The following RASGRF2 variants were observed in gnomAD, a reference collection of about 807,000 sequenced individuals.
RASGRF2 encodes the protein Ras protein specific guanine nucleotide releasing factor 2.
Under a neutral mutation model 151.0 loss-of-function variants are expected in RASGRF2, and 76 were observed. The observed-to-expected ratio is 0.50, with a 90% CI of 0.42 to 0.61. RASGRF2 has a LOEUF of 0.61. Ranked by LOEUF, RASGRF2 falls within the 20% of genes least tolerant of loss-of-function variation. RASGRF2 has a pLI of 0.00. For synonymous variants in RASGRF2, 504 were observed against 566.5 expected, an observed-to-expected ratio of 0.89 and a Z score of 1.57; for missense variants, 1,148 against 1,564.6, an observed-to-expected ratio of 0.73 and a Z score of 4.49.
At chr5:81,081,223 GC>G (rs1328655214) in intron 7 of RASGRF2, among the ~76,000 whole-genome samples, 4 of 152,120 alleles carry the variant, frequency 2.6e-5, no homozygotes, top group Admixed American at 6.5e-5. Flanking sequence ...CTGTTTTCCA[GC>G]CCATCCTCCC....
intron 1 of RASGRF2, among the ~76,000 whole-genome samples, chr5:81,037,319 G>A (rs439994): frequency 0.17 from 26,520 of 152,080 alleles, 2,470 homozygotes; most frequent in Admixed American, 0.26. Context: ...TACTTGATTG[G>A]TAGTTTAGTT....
At chr5:81,056,314 T>C (rs998232516) in intron 2 of RASGRF2, among the ~76,000 whole-genome samples, 13 of 152,186 alleles carry the variant, frequency 8.5e-5, no homozygotes, top group African/African-American at 2.9e-4. Context: ...TCCGAGAGAT[T>C]CTTGTATGTT....
At position 81,129,295 on chromosome 5, in the gene RASGRF2, A is replaced by T. The variant is rs1481737283; in HGVS notation, c.2686+2132A>T. 2.0e-5 allele frequency among the ~76,000 whole-genome samples: 3 copies of T among 152,338 alleles called. No individual in the cohort carries two copies. The East Asian group carries it at 5.8e-4, about 29-fold the overall frequency. On this transcript the variant is annotated intron_variant, in intron 17 of 26. Coordinates refer to ENST00000265080, the MANE Select transcript of RASGRF2 (RefSeq NM_006909.3). ...AGCCATTTTTCACCTTTGTGGTAAC[A>T]AAGGAATCCTTTCCAAAGCTTCTGA...
chr5:81,197,747 TATA>T (rs1343157643), intron 18 of RASGRF2, among the ~76,000 whole-genome samples: 1 of 152,204 alleles, frequency 6.6e-6, no homozygotes, highest in Non-Finnish European at 1.5e-5. Context: ...AAAATGTAAT[TATA>T]ATAAGTAACT....
chr5:80,993,364 T>C (rs140517308), intron 1 of RASGRF2, among the ~76,000 whole-genome samples: 298 of 152,350 alleles, frequency 2.0e-3, no homozygotes, highest in African/African-American at 6.7e-3. Flanking sequence ...CCTAAAGCTT[T>C]TGATAGTAGA....
At chr5:81,123,590 A>C in intron 15 of RASGRF2, 52 bp from the exon 16 acceptor site, 1 of 1,587,254 alleles carries the variant, frequency 6.3e-7, no homozygotes, top group Non-Finnish European at 8.6e-7. Flanking sequence ...TACTGACAAG[A>C]AGCTCTTGAA....
At chr5:81,202,329 C>G (rs1430040627) in intron 19 of RASGRF2, among the ~76,000 whole-genome samples, 1 of 152,128 alleles carries the variant, frequency 6.6e-6, no homozygotes, top group Non-Finnish European at 1.5e-5. Flanking sequence ...TAGAAATGAC[C>G]CTTCCTTTCC....
intron 9 of RASGRF2, chr5:81,088,249 C>A (rs1006009655): frequency 6.6e-6 from 1 of 152,250 alleles, no homozygotes; most frequent in Non-Finnish European, 1.5e-5. Context: ...TTATCCATTT[C>A]TTTTGTGCCT....
intron 5 of RASGRF2, among the ~76,000 whole-genome samples, chr5:81,074,647 T>A: frequency 6.6e-6 from 1 of 152,224 alleles, no homozygotes; most frequent in Non-Finnish European, 1.5e-5. Flanking sequence ...CATTATTTTC[T>A]GAAGATCTTT....
In RASGRF2 at chr5:80,975,178, A is replaced by G. The variant is rs115635827; in HGVS notation, c.288+14152A>G. 6.4e-3 allele frequency among the ~76,000 whole-genome samples: 980 copies of G among 152,074 alleles called. 10 individuals are homozygous for G. Among genetic ancestry groups the G allele is most frequent in the African/African-American group, 0.023 (943 of 41,474 alleles). On this transcript the variant is annotated intron_variant, in intron 1 of 26. Coordinates refer to ENST00000265080, the MANE Select transcript of RASGRF2 (RefSeq NM_006909.3). ...CTTAGCCTCCTGGCTCTGCACGCCA[A>G]TAAAGTGGCAAACGCCTCTTTATCG... is the stretch of plus-strand genomic sequence containing the variant.
chr5:81,090,707 A>AT (rs894847854), intron 9 of RASGRF2, among the ~76,000 whole-genome samples: 45 of 151,906 alleles, frequency 3.0e-4, no homozygotes, highest in Non-Finnish European at 3.5e-4. Context: ...GGAAACATTT[A>AT]TTTTTTTTGT....
rs1754361798 is a variant in RASGRF2, at chr5:81,160,682, A to AATAAT, written c.2687-19492_2687-19491insTAATA. Among the ~76,000 whole-genome samples the AATAAT allele has an allele frequency of 3.6e-5, 5 of 138,482 alleles. No individual in the cohort carries two copies. The East Asian group carries it at 6.5e-4, about 18-fold the overall frequency. The allele number at this position is 138,482 out of a possible 152,430, so 90.8% of individuals were successfully genotyped here. On this transcript the variant is annotated intron_variant, in intron 17 of 26. Coordinates refer to ENST00000265080, the MANE Select transcript of RASGRF2 (RefSeq NM_006909.3). The stretch of plus-strand genomic sequence containing the variant: ...GTGACAGAGCAAGACTCTGTCTCAA[A>AATAAT]AATAATAATAATAATAATAATAATA...
intron 1 of RASGRF2, among the ~76,000 whole-genome samples, chr5:81,008,938 T>G (rs977768118): frequency 6.6e-6 from 1 of 152,264 alleles, no homozygotes; most frequent in African/African-American, 2.4e-5. Context: ...GTTGATTGTC[T>G]CAGCAAGTAG....
At chr5:80,997,961 T>TC (rs1160496171) in intron 1 of RASGRF2, 2 of 103,170 alleles carry the variant, frequency 1.9e-5, no homozygotes, top group African/African-American at 7.0e-5. Flanking sequence ...AGAGCAAGAC[T>TC]CCGTCTCAAA....
At chr5:81,111,118 G>A (rs936114592) in intron 13 of RASGRF2, among the ~76,000 whole-genome samples, 4 of 152,290 alleles carry the variant, frequency 2.6e-5, no homozygotes, top group South Asian at 2.1e-4. Context: ...CCCTCAAAGC[G>A]CTGAAAGGGC....
chr5:81,042,946 G>T lies in RASGRF2; in HGVS notation c.358G>T (p.Asp120Tyr). Residue 120 changes from aspartate to tyrosine, a missense_variant, in exon 2 of 27, where the codon GAT becomes TAT. By Grantham distance (160) the Asp-to-Tyr change is radical. Coordinates refer to ENST00000265080, the MANE Select transcript of RASGRF2 (RefSeq NM_006909.3). ...GGAGCTGCGCTGTGAGGAGGAGCAG[G>T]ATGGTAAAGAGTGGATGGAGGCCAT... ...PLELRCEEEQ[D>Y]GKEWMEAIHQ... 1.9e-6 allele frequency: 3 copies of T among 1,612,874 alleles called. No homozygotes were observed. The highest frequency in any genetic ancestry group is 1.7e-6 in the Non-Finnish European group (2 of 1,179,576).
intron 17 of RASGRF2, among the ~76,000 whole-genome samples, chr5:81,174,888 G>T (rs765828552): frequency 2.0e-5 from 3 of 152,206 alleles, no homozygotes; most frequent in Admixed American, 1.3e-4. Flanking sequence ...TCAAAATTTA[G>T]AAGAGAGATA....
At chr5:81,080,059 G>T in intron 5 of RASGRF2, 62 bp from the exon 6 acceptor site, 1 of 1,546,256 alleles carries the variant, frequency 6.5e-7, no homozygotes, top group Non-Finnish European at 8.7e-7. Context: ...AAGGACTCTG[G>T]ATTTTAAACA....
intron 2 of RASGRF2, among the ~76,000 whole-genome samples, chr5:81,065,397 G>A (rs1561587835): frequency 6.6e-6 from 1 of 152,090 alleles, no homozygotes; most frequent in Non-Finnish European, 1.5e-5. Context: ...TGTGTCCACG[G>A]TGAATGTCTG....
Sources: gnomAD v4.1 joint callset for allele counts (sites outside exome capture counted in the v4.1 genomes callset) on GRCh38, gnomAD v4.1.1 for gene constraint, MANE v1.5 for transcripts, NCBI Gene and HGNC (gene_info 2026-07-23, HGNC 2026-07-21) for gene names.